SLCO2B1: variants seen among roughly 807,000 people sequenced by gnomAD.
SLCO2B1 encodes solute carrier organic anion transporter family member 2B1.
A neutral mutation model predicts 67.3 loss-of-function variants in SLCO2B1; 41 were observed. The observed-to-expected ratio is 0.61, with a 90% CI of 0.47 to 0.79. The LOEUF (loss-of-function observed/expected upper bound fraction) is 0.79, where lower values mean the gene tolerates loss of function less well. SLCO2B1 is among the 30% of genes least tolerant of loss of function. SLCO2B1 has a pLI of 0.00. For missense variants in SLCO2B1, 837 were observed against 920.1 expected (o/e 0.91, Z 1.17); for synonymous variants, 379 against 381.4 (o/e 0.99, Z 0.07).
chr11:75,199,951 C>G (rs59497687), intron 10 of SLCO2B1: 8,080 of 442,414 alleles, frequency 0.018, 529 homozygotes, highest in African/African-American at 0.14. Flanking sequence ...GCTCTCCTGG[C>G]TCCCTCCCTC....
In SLCO2B1 at chr11:75,204,764, G is replaced by C. The variant is rs1028055655; in HGVS notation, c.*184G>C. 8.5e-6 allele frequency: 4 copies of C among 470,982 alleles called. No homozygotes were observed. Among genetic ancestry groups the C allele is most frequent in the Non-Finnish European group, 1.4e-5 (4 of 279,490 alleles). The allele number at this position is 470,982 out of a possible 1,614,324, so 29.2% of individuals were successfully genotyped here. A position where few individuals can be genotyped will look rare whatever the true frequency, so the allele number is the denominator to read the frequency against. On this transcript the variant is annotated 3_prime_UTR_variant, in exon 14 of 14. Coordinates refer to ENST00000289575, the MANE Select transcript of SLCO2B1 (RefSeq NM_007256.5). ...TTTGCTTGCTAGTCTGAACCAAAGA[G>C]TTGTTTGGGCATTTGCTGTGTTGGC...
In SLCO2B1 at chr11:75,196,401, G is replaced by C. The variant is rs562771982; in HGVS notation, c.1434-113G>C. On this transcript the variant is annotated intron_variant, in intron 9 of 13. Transcript: ENST00000289575. The stretch of plus-strand genomic sequence containing the variant: ...GCAGCCCTGATGATGAAAATCCTCT[G>C]TGTGGAGCTGAAATCTCTGGCCATT... 1.8e-4 allele frequency: 197 copies of C among 1,068,172 alleles called. 1 individual carries two copies. The South Asian group carries it at 2.9e-3, about 16-fold the overall frequency. The allele number at this position is 1,068,172 out of a possible 1,614,324, so 66.2% of individuals were successfully genotyped here. A position where few individuals can be genotyped will look rare whatever the true frequency, so the allele number is the denominator to read the frequency against.
At chr11:75,188,057 C>T in intron 7 of SLCO2B1, 79 bp from the exon 8 acceptor site, 1 of 933,066 alleles carries the variant, frequency 1.1e-6, no homozygotes, top group Non-Finnish European at 1.7e-6. Flanking sequence ...TCCAAGACCT[C>T]TCCTCCCCAG....
chr11:75,160,747 TTCC>T (rs1383448535), intron 1 of SLCO2B1, among the ~76,000 whole-genome samples: 1 of 152,208 alleles, frequency 6.6e-6, no homozygotes, highest in African/African-American at 2.4e-5. Flanking sequence ...GCACTTCCAT[TTCC>T]TCAGCCAAAT....
At chr11:75,189,922 G>A (rs1198682454) in intron 8 of SLCO2B1, among the ~76,000 whole-genome samples, 7 of 150,742 alleles carry the variant, frequency 4.6e-5, no homozygotes, top group South Asian at 2.1e-4. Flanking sequence ...TGATCTGGCC[G>A]CTGCGCTCCA....
chr11:75,189,310 T>C (rs76516295), intron 8 of SLCO2B1, among the ~76,000 whole-genome samples: 8,007 of 152,254 alleles, frequency 0.053, 458 homozygotes, highest in African/African-American at 0.14. Flanking sequence ...GACCAGTGTA[T>C]AATCTTAAAG....
chr11:75,172,131 C>T (rs1035420653), intron 6 of SLCO2B1, among the ~76,000 whole-genome samples: 5 of 152,152 alleles, frequency 3.3e-5, no homozygotes, highest in African/African-American at 9.7e-5. Context: ...CCCAGCAGTC[C>T]GCCTCTAGAG....
intron 1 of SLCO2B1, among the ~76,000 whole-genome samples, chr11:75,157,396 G>C (rs886145186): frequency 6.6e-6 from 1 of 152,212 alleles, no homozygotes; most frequent in Non-Finnish European, 1.5e-5. Flanking sequence ...TCATCCTCAG[G>C]AGATGCTTTC....
chr11:75,196,894 C>T (rs1362542468), intron 10 of SLCO2B1, among the ~76,000 whole-genome samples: 1 of 152,198 alleles, frequency 6.6e-6, no homozygotes. Context: ...CTTTGGGAGG[C>T]CGAGGCAGGC....
At chr11:75,195,538 C>G (rs928991915) in intron 9 of SLCO2B1, among the ~76,000 whole-genome samples, 9 of 151,984 alleles carry the variant, frequency 5.9e-5, no homozygotes, top group Non-Finnish European at 1.0e-4. Flanking sequence ...CCCACTTCCC[C>G]ACTCCACACC....
chr11:75,172,508 A>G lies in SLCO2B1; in HGVS notation c.911A>G (p.Glu304Gly), dbSNP rs1455720050. Residue 304 changes from glutamate (E) to glycine (G), a missense_variant, in exon 7 of 14, where the codon GAA becomes GGA. By Grantham distance (98) the Glu-to-Gly change is moderately conservative (BLOSUM62 -2). Transcript: ENST00000289575. Reference sequence around the variant, plus strand: ...TTCTTCCCCAAGGAAATGCCCAAGGAAAAACGTGAGCTTCAGTTTCGGCGA... The same window carrying G: ...TTCTTCCCCAAGGAAATGCCCAAGGGAAAACGTGAGCTTCAGTTTCGGCGA... Reference protein sequence around the residue: ...YFFFPKEMPKEKRELQFRRKV... With the variant: ...YFFFPKEMPKGKRELQFRRKV... 2 of 1,614,200 alleles carry G rather than the reference A, an allele frequency of 1.2e-6. No individual in the cohort carries two copies. Among genetic ancestry groups the G allele is most frequent in the Admixed American group, 1.7e-5 (1 of 60,036 alleles).
intron 7 of SLCO2B1, among the ~76,000 whole-genome samples, chr11:75,182,250 T>C (rs1313186206): frequency 6.6e-6 from 1 of 152,146 alleles, no homozygotes; most frequent in Non-Finnish European, 1.5e-5. Context: ...CCAAACCCCA[T>C]GCTCTTTCAC....
chr11:75,165,665 T>C, intron 3 of SLCO2B1, 122 bp from the exon 4 acceptor site: 2 of 1,149,356 alleles, frequency 1.7e-6, no homozygotes, highest in Non-Finnish European at 2.5e-6. Context: ...GGGACCCAGA[T>C]GATTTTTATT....
Position 75,193,276 on chromosome 11 carries a change from G to T in SLCO2B1, c.1134G>T (p.Leu378=). Residue 378 remains leucine (L), a synonymous_variant, in exon 9 of 14, where the codon CTG becomes CTT. Coordinates refer to ENST00000289575, the MANE Select transcript of SLCO2B1 (RefSeq NM_007256.5). This position sits in a 1 kb window ranked among gnomAD's most constrained non-coding sequence, Gnocchi z 4.2. Reference sequence around the variant, plus strand: ...ACCCCATCTTCCTGCTGGTGGTCCTGTCCCAGGTATGCTTGTCATCCATGG... The same window carrying T: ...ACCCCATCTTCCTGCTGGTGGTCCTTTCCCAGGTATGCTTGTCATCCATGG... The part of the protein sequence containing the change: ...LRHPIFLLVV[L]SQVCLSSMAA... The T allele has an allele frequency of 6.2e-7, 1 of 1,613,840 alleles. No individual in the cohort carries two copies.
intron 7 of SLCO2B1, among the ~76,000 whole-genome samples, chr11:75,180,927 G>A (rs1382268934): frequency 2.0e-5 from 3 of 152,170 alleles, no homozygotes; most frequent in Non-Finnish European, 4.4e-5. Flanking sequence ...AAATAAGAGC[G>A]AAAGGTTCTC....
chr11:75,163,736 C>G (rs1018327507), intron 2 of SLCO2B1, among the ~76,000 whole-genome samples: 1 of 151,810 alleles, frequency 6.6e-6, no homozygotes, highest in Non-Finnish European at 1.5e-5. Context: ...TGCCCCCTAC[C>G]TCCTCTGGCC....
intron 3 of SLCO2B1, among the ~76,000 whole-genome samples, chr11:75,165,261 G>A (rs1011071731): frequency 2.0e-5 from 3 of 152,000 alleles, no homozygotes; most frequent in Admixed American, 6.6e-5. Context: ...GTGAAACCCC[G>A]TCTCTACTAA....
intron 10 of SLCO2B1, among the ~76,000 whole-genome samples, chr11:75,198,856 G>A (rs1945141414): frequency 6.6e-6 from 1 of 152,188 alleles, no homozygotes; most frequent in African/African-American, 2.4e-5. Context: ...AACAGGTGTG[G>A]AGCTGAATGC....
chr11:75,196,589 C>A lies in SLCO2B1; in HGVS notation c.1509C>A (p.Val503=). The A allele has an allele frequency of 6.2e-7, 1 of 1,614,144 alleles. No homozygotes were observed. The highest frequency in any genetic ancestry group is 8.5e-7 in the Non-Finnish European group (1 of 1,180,044). Residue 503 remains valine, a synonymous_variant, in exon 10 of 14, where the codon GTC becomes GTA. Transcript: ENST00000289575. ...CSCPLDGFNP[V]CDPSTRVEYI... ...GCCCATTGGACGGCTTTAACCCTGT[C>A]TGCGACCCCAGCACTCGTGTGGAAT...
Sources: gnomAD v4.1 joint callset for allele counts (sites outside exome capture counted in the v4.1 genomes callset) on GRCh38, gnomAD v4.1.1 for gene constraint, Gnocchi (gnomAD v3.1) non-coding constraint, MANE v1.5 for transcripts, NCBI Gene and HGNC (gene_info 2026-07-23, HGNC 2026-07-21) for gene names.